The following A1CF variants were observed in gnomAD, a reference collection of about 807,000 sequenced individuals.
A1CF encodes the protein APOBEC1 complementation factor.
In A1CF, 48 loss-of-function variants were observed where a neutral mutation model predicts 68.9. That is an observed-to-expected ratio of 0.70 (90% CI 0.55 to 0.89). The LOEUF (loss-of-function observed/expected upper bound fraction) is 0.89. A1CF is among the 40% of genes least tolerant of loss of function. The probability of loss-of-function intolerance (pLI) is 0.00; values close to 1 mark genes in which losing one functional copy is unlikely to be tolerated. For missense variants in A1CF, 653 were observed against 718.9 expected, an observed-to-expected ratio of 0.91 and a Z score of 1.05; for synonymous variants, 272 against 260.4, an observed-to-expected ratio of 1.04 and a Z score of -0.43.
At chr10:50,874,440 A>G (rs1420434922) in intron 1 of A1CF, among the ~76,000 whole-genome samples, 1 of 152,208 alleles carries the variant, frequency 6.6e-6, no homozygotes, top group Non-Finnish European at 1.5e-5. Context: ...TTAAATATCA[A>G]TGAGAAGCAC....
In A1CF at chr10:50,800,633, T is replaced by G. The variant is rs1837561418; in HGVS notation, c.*6096A>C. Reference sequence around the variant, plus strand: ...AAACACAGGCTGATCATATATTCTCTGAAGAATAGATTTGAGGGTTAATAA... The same window carrying G: ...AAACACAGGCTGATCATATATTCTCGGAAGAATAGATTTGAGGGTTAATAA... On this transcript the variant is annotated 3_prime_UTR_variant, in exon 13 of 13. Transcript: ENST00000373997. 1 of 152,112 alleles carries G rather than the reference T, an allele frequency of 6.6e-6. No individual in the cohort carries two copies. The allele number at this position is 152,112 out of a possible 1,614,324, so 9.4% of individuals were successfully genotyped here.
rs12266085 is a variant in A1CF, at chr10:50,844,185, C to T, written c.100-63G>A. 9.7e-3 allele frequency: 15,324 copies of T among 1,574,052 alleles called. 1,140 individuals carry two copies. The African/African-American group carries it at 0.17, about 18-fold the overall frequency. On this transcript the variant is annotated intron_variant, in intron 3 of 12. Transcript: ENST00000373997. ...TGATCAAGACTTTAATTCAATTTCC[C>T]TGAGTATTTTTCAAAATAATTTCAC...
intron 1 of A1CF, among the ~76,000 whole-genome samples, chr10:50,867,802 T>G (rs1841064078): frequency 2.0e-5 from 3 of 152,180 alleles, no homozygotes. Context: ...ATCCTCGACT[T>G]TAACAAAAGG....
chr10:50,852,488 A>G (rs1589021690), intron 3 of A1CF, among the ~76,000 whole-genome samples: 1 of 152,152 alleles, frequency 6.6e-6, no homozygotes, highest in African/African-American at 2.4e-5. Flanking sequence ...GGCTGGGGTG[A>G]TAAGCTTAGG....
At chr10:50,834,266 A>G (rs528527728) in intron 6 of A1CF, among the ~76,000 whole-genome samples, 117 of 152,272 alleles carry the variant, frequency 7.7e-4, no homozygotes, top group African/African-American at 1.9e-3. Context: ...ATTATTTCAC[A>G]TATCTGTTTT....
At chr10:50,820,234 T>C (rs941733600) in intron 8 of A1CF, among the ~76,000 whole-genome samples, 1 of 152,196 alleles carries the variant, frequency 6.6e-6, no homozygotes, top group African/African-American at 2.4e-5. Context: ...ATAATCTCTT[T>C]GAAGTAATGA....
At chr10:50,847,274 A>C (rs978967358) in intron 3 of A1CF, among the ~76,000 whole-genome samples, 1 of 152,324 alleles carries the variant, frequency 6.6e-6, no homozygotes, top group African/African-American at 2.4e-5. Flanking sequence ...GTCTCTCTAG[A>C]GTCATATACA....
chr10:50,875,652 A>G (rs1421066663), intron 1 of A1CF, among the ~76,000 whole-genome samples: 1 of 152,120 alleles, frequency 6.6e-6, no homozygotes, highest in Non-Finnish European at 1.5e-5. Context: ...CTTTTGGTAC[A>G]TATGTATCCT....
intron 2 of A1CF, among the ~76,000 whole-genome samples, chr10:50,863,161 G>A (rs1185893503): frequency 6.6e-6 from 1 of 152,106 alleles, no homozygotes; most frequent in Non-Finnish European, 1.5e-5. Flanking sequence ...GGGAATCAGG[G>A]CATGGAAATA....
intron 3 of A1CF, among the ~76,000 whole-genome samples, chr10:50,852,829 T>C (rs903691802): frequency 6.6e-6 from 1 of 152,180 alleles, no homozygotes; most frequent in African/African-American, 2.4e-5. Context: ...GTTATTTTTA[T>C]TGTATTATTT....
chr10:50,842,036 C>T (rs750663011), intron 4 of A1CF, 44 bp from the exon 5 acceptor site: 13 of 1,540,304 alleles, frequency 8.4e-6, no homozygotes, highest in African/African-American at 1.4e-5. Flanking sequence ...TACGTTTGTA[C>T]TTCTGAATGT....
intron 12 of A1CF, 61 bp from the exon 13 acceptor site, chr10:50,806,941 A>G: frequency 6.5e-7 from 1 of 1,527,244 alleles, no homozygotes. Flanking sequence ...CTTTTGGCTT[A>G]TTTGTCTTCT....
At chr10:50,875,172 A>C (rs1423104673) in intron 1 of A1CF, among the ~76,000 whole-genome samples, 6 of 152,248 alleles carry the variant, frequency 3.9e-5, no homozygotes, top group Admixed American at 2.0e-4. Context: ...AGACAGCAGG[A>C]GAAAAGAATA....
rs1839888208 is a variant in A1CF, at chr10:50,843,985, C to A, written c.234+3G>T. The A allele has an allele frequency of 6.2e-7, 1 of 1,612,272 alleles. No individual in the cohort carries two copies. The highest frequency in any genetic ancestry group is 1.1e-5 in the South Asian group (1 of 90,634). On this transcript the variant is annotated splice_donor_region_variant and intron_variant, in intron 4 of 12. Transcript: ENST00000373997. ...AAAAATTAAATGTTAAATTTGGACTCACTTTTTCACATAATGGTATAAGCT... is the reference window on the plus strand; with the variant it reads ...AAAAATTAAATGTTAAATTTGGACTAACTTTTTCACATAATGGTATAAGCT...
intron 3 of A1CF, among the ~76,000 whole-genome samples, chr10:50,854,550 A>G (rs1226896386): frequency 6.6e-6 from 1 of 152,038 alleles, no homozygotes; most frequent in Admixed American, 6.6e-5. Flanking sequence ...AGCATTGTCA[A>G]TTTTAAGGCT....
At chr10:50,873,221 G>A (rs901550043) in intron 1 of A1CF, among the ~76,000 whole-genome samples, 1 of 152,048 alleles carries the variant, frequency 6.6e-6, no homozygotes, top group Non-Finnish European at 1.5e-5. Flanking sequence ...CTCCCAAAAT[G>A]CTGGGATTAT....
intron 1 of A1CF, among the ~76,000 whole-genome samples, chr10:50,870,810 C>G (rs1171538070): frequency 6.6e-6 from 1 of 151,532 alleles, no homozygotes; most frequent in Admixed American, 6.6e-5. Context: ...AAATATACTA[C>G]AAAGTAGAAC....
chr10:50,810,604 A>C (rs2132315142), intron 11 of A1CF, among the ~76,000 whole-genome samples: 1 of 152,216 alleles, frequency 6.6e-6, no homozygotes, highest in South Asian at 2.1e-4. Flanking sequence ...CCTGCTGAGT[A>C]ACTATGACTA....
intron 10 of A1CF, 29 bp from the exon 11 acceptor site, chr10:50,811,205 C>T: frequency 6.3e-7 from 1 of 1,583,192 alleles, no homozygotes; most frequent in Non-Finnish European, 8.6e-7. Flanking sequence ...TTATTTCCCC[C>T]TCAAATGACA....
Sources: gnomAD v4.1 joint callset for allele counts (sites outside exome capture counted in the v4.1 genomes callset) on GRCh38, gnomAD v4.1.1 for gene constraint, MANE v1.5 for transcripts, NCBI Gene and HGNC (gene_info 2026-07-23, HGNC 2026-07-21) for gene names.